The following HSD17B2 variants were observed in gnomAD, a reference collection of about 807,000 sequenced individuals.
The protein encoded by HSD17B2 is 17-beta-hydroxysteroid dehydrogenase type 2.
In HSD17B2, 32 loss-of-function variants were observed where a neutral mutation model predicts 26.9. The ratio of observed to expected loss-of-function variants is 1.19; its 90% CI spans 0.90 to 1.60. The LOEUF (loss-of-function observed/expected upper bound fraction) is 1.60, where lower values mean the gene tolerates loss of function less well. HSD17B2 is among the 40% of genes most tolerant of loss of function. The pLI is 0.00. For missense variants in HSD17B2, 613 were observed against 468.6 expected (o/e 1.31, Z -2.85); for synonymous variants, 246 against 186.7 (o/e 1.32, Z -2.59).
chr16:82,053,322 C>T (rs971128960), intron 1 of HSD17B2, among the ~76,000 whole-genome samples: 46 of 152,148 alleles, frequency 3.0e-4, no homozygotes, highest in African/African-American at 1.1e-3. Flanking sequence ...TTGGAAGAGG[C>T]ACACATCCCA....
chr16:82,078,202 C>T lies in HSD17B2; in HGVS notation c.664+7075C>T, dbSNP rs1904313044. Reference sequence around the variant, plus strand: ...TCTACAGGAAAAAATCAAATAATCTCATTTAAAATGTACAAAAGATCTGAA... The same window carrying T: ...TCTACAGGAAAAAATCAAATAATCTTATTTAAAATGTACAAAAGATCTGAA... On this transcript the variant is annotated intron_variant, in intron 3 of 4. Transcript: ENST00000199936. 3.3e-5 allele frequency among the ~76,000 whole-genome samples: 5 copies of T among 152,278 alleles called. 1 individual carries two copies. In the South Asian group the frequency reaches 1.0e-3, roughly 32 times the overall value.
intron 4 of HSD17B2, chr16:82,094,592 C>G (rs2955163): frequency 0.88 from 134,469 of 152,166 alleles, 60,111 homozygotes; most frequent in Non-Finnish European, 0.95. Context: ...TGAGCTCTCT[C>G]AAGGCAAGAA....
chr16:82,074,215 G>C (rs920448874), intron 3 of HSD17B2, among the ~76,000 whole-genome samples: 3 of 152,094 alleles, frequency 2.0e-5, no homozygotes, highest in African/African-American at 4.8e-5. Flanking sequence ...AGATCTTTGA[G>C]TCATCTTGGA....
At chr16:82,097,277 T>TATATATACATACAC (rs1491106183) in intron 4 of HSD17B2, 2 of 126,954 alleles carry the variant, frequency 1.6e-5, no homozygotes, top group Non-Finnish European at 3.6e-5. Context: ...TATGTGTGTG[T>TATATATACATACAC]ATGTGTGTGT....
chr16:82,045,671 G>C (rs1913904814), intron 1 of HSD17B2, among the ~76,000 whole-genome samples: 1 of 152,224 alleles, frequency 6.6e-6, no homozygotes, highest in South Asian at 2.1e-4. Flanking sequence ...TTTGCACTCT[G>C]ACTGTTTCTT....
chr16:82,044,916 G>T (rs1213494752), intron 1 of HSD17B2, among the ~76,000 whole-genome samples: 1 of 152,016 alleles, frequency 6.6e-6, no homozygotes, highest in African/African-American at 2.4e-5. Context: ...TCAGGAGTTC[G>T]AGACCAGCCT....
chr16:82,056,469 A>G (rs1005436534), intron 1 of HSD17B2: 14 of 152,330 alleles, frequency 9.2e-5, no homozygotes, highest in Middle Eastern at 6.8e-3. Context: ...AGCCAGCCAC[A>G]AAGAGGACCG....
intron 1 of HSD17B2, among the ~76,000 whole-genome samples, chr16:82,048,992 A>C (rs1914023312): frequency 6.6e-6 from 1 of 152,240 alleles, no homozygotes; most frequent in Non-Finnish European, 1.5e-5. Flanking sequence ...ATTATGATGA[A>C]AATAATCCTG....
chr16:82,062,533 C>T (rs1376645452), intron 1 of HSD17B2, among the ~76,000 whole-genome samples: 1 of 152,190 alleles, frequency 6.6e-6, no homozygotes, highest in Non-Finnish European at 1.5e-5. Flanking sequence ...TTTTATACCC[C>T]AGTTGTTTAT....
chr16:82,064,284 G>C (rs1445290291), intron 1 of HSD17B2, among the ~76,000 whole-genome samples: 1 of 152,158 alleles, frequency 6.6e-6, no homozygotes, highest in African/African-American at 2.4e-5. Flanking sequence ...TGCCACGCTG[G>C]CTTCTTTCAC....
chr16:82,089,875 C>T (rs978831225), intron 3 of HSD17B2, among the ~76,000 whole-genome samples: 3 of 152,130 alleles, frequency 2.0e-5, no homozygotes, highest in Non-Finnish European at 4.4e-5. Flanking sequence ...AGATCCTTGC[C>T]TCAGTGACAT....
At chr16:82,046,734 C>G (rs1275178851) in intron 1 of HSD17B2, among the ~76,000 whole-genome samples, 1 of 152,020 alleles carries the variant, frequency 6.6e-6, no homozygotes, top group Non-Finnish European at 1.5e-5. Flanking sequence ...CCAATGTACA[C>G]AGTATACTCA....
chr16:82,083,532 G>A (rs1353211436), intron 3 of HSD17B2, among the ~76,000 whole-genome samples: 3 of 152,020 alleles, frequency 2.0e-5, no homozygotes, highest in Admixed American at 6.5e-5. Flanking sequence ...GAGATGAGAT[G>A]AAATAACACA....
chr16:82,084,263 C>T (rs1387638704), intron 3 of HSD17B2, among the ~76,000 whole-genome samples: 3 of 152,110 alleles, frequency 2.0e-5, no homozygotes, highest in Non-Finnish European at 4.4e-5. Flanking sequence ...TCTGTAAGGG[C>T]ACTGTCCTGT....
intron 2 of HSD17B2, 111 bp from the exon 3 acceptor site, chr16:82,070,831 C>A (rs555365787): frequency 4.0e-6 from 4 of 999,788 alleles, no homozygotes; most frequent in Non-Finnish European, 4.4e-6. Context: ...TCTAATCCCC[C>A]AGGAGACCTG....
chr16:82,035,543 G>A lies in HSD17B2; in HGVS notation c.119G>A (p.Cys40Tyr), dbSNP rs762269128. The A allele has an allele frequency of 1.2e-6, 2 of 1,614,090 alleles. No homozygotes were observed. Among genetic ancestry groups the A allele is most frequent in the African/African-American group, 2.7e-5 (2 of 75,032 alleles). Residue 40 changes from cysteine to tyrosine, a missense_variant, in exon 1 of 5, where the codon TGC becomes TAC. Transcript: ENST00000199936. The part of the protein sequence containing the change: ...SSGQLWSWMV[C>Y]LAGLCAVCLL... Reference sequence around the variant, plus strand: ...GGGCAGCTGTGGAGCTGGATGGTCTGCCTGGCAGGCCTCTGTGCAGTCTGC... The same window carrying A: ...GGGCAGCTGTGGAGCTGGATGGTCTACCTGGCAGGCCTCTGTGCAGTCTGC...
intron 3 of HSD17B2, among the ~76,000 whole-genome samples, chr16:82,072,910 A>G (rs1914729427): frequency 6.6e-6 from 1 of 152,168 alleles, no homozygotes; most frequent in Non-Finnish European, 1.5e-5. Context: ...TTAAGAAAAA[A>G]ACAAACAAAC....
At chr16:82,067,079 C>T (rs766968917) in intron 1 of HSD17B2, among the ~76,000 whole-genome samples, 29 of 152,176 alleles carry the variant, frequency 1.9e-4, no homozygotes, top group Non-Finnish European at 3.2e-4. Flanking sequence ...CCTCTCTTTG[C>T]AGACAGTAGA....
chr16:82,075,134 T>A (rs956901875), intron 3 of HSD17B2, among the ~76,000 whole-genome samples: 3 of 152,152 alleles, frequency 2.0e-5, no homozygotes, highest in African/African-American at 7.2e-5. Flanking sequence ...GAAGGAAATT[T>A]AAAAATTTCT....
Sources: gnomAD v4.1 joint callset for allele counts (sites outside exome capture counted in the v4.1 genomes callset) on GRCh38, gnomAD v4.1.1 for gene constraint, MANE v1.5 for transcripts, NCBI Gene and HGNC (gene_info 2026-07-23, HGNC 2026-07-21) for gene names.